Variants in CACNA2D3 observed in about 807,000 individuals in gnomAD.
The protein encoded by CACNA2D3 is voltage-dependent calcium channel subunit alpha-2/delta-3.
A neutral mutation model predicts 160.6 loss-of-function variants in CACNA2D3; 60 were observed. That is an observed-to-expected ratio of 0.37 (90% CI 0.30 to 0.46). The LOEUF (loss-of-function observed/expected upper bound fraction) is 0.46. Among genes scored for constraint, CACNA2D3 ranks in the 20% least tolerant of loss-of-function variants. The pLI, the probability that CACNA2D3 is intolerant of heterozygous loss-of-function variation, is 1.00. For synonymous variants in CACNA2D3, 558 were observed against 492.9 expected (o/e 1.13, Z -1.75); for missense variants, 1,205 against 1,365.0 (o/e 0.88, Z 1.85).
chr3:54,434,390 G>C (rs938851306), intron 4 of CACNA2D3, among the ~76,000 whole-genome samples: 8 of 152,320 alleles, frequency 5.3e-5, no homozygotes, highest in African/African-American at 1.9e-4. Flanking sequence ...GACTAAATGG[G>C]ATGTTGTAAA....
intron 29 of CACNA2D3, among the ~76,000 whole-genome samples, chr3:54,973,356 T>C (rs963867317): frequency 2.0e-5 from 3 of 152,168 alleles, no homozygotes; most frequent in Non-Finnish European, 2.9e-5. Flanking sequence ...ACTTCTCATC[T>C]CCTGATGAGA....
At chr3:54,988,302 A>G (rs181465869) in intron 31 of CACNA2D3, among the ~76,000 whole-genome samples, 19 of 152,296 alleles carry the variant, frequency 1.2e-4, no homozygotes, top group Admixed American at 1.2e-3. Flanking sequence ...GATACTGACT[A>G]CTCATCCAGG....
chr3:54,330,371 A>G (rs1458178285), intron 3 of CACNA2D3, among the ~76,000 whole-genome samples: 1 of 152,010 alleles, frequency 6.6e-6, no homozygotes, highest in Non-Finnish European at 1.5e-5. Flanking sequence ...GAACTTCTCT[A>G]GTACCTCTGC....
chr3:54,939,961 A>G (rs910079412), intron 27 of CACNA2D3, among the ~76,000 whole-genome samples: 3 of 152,226 alleles, frequency 2.0e-5, no homozygotes, highest in African/African-American at 7.2e-5. Flanking sequence ...ATGGATTTCT[A>G]GGTCATAATG....
chr3:54,667,998 A>C (rs1559544109), intron 11 of CACNA2D3, among the ~76,000 whole-genome samples: 1 of 152,130 alleles, frequency 6.6e-6, no homozygotes, highest in African/African-American at 2.4e-5. Flanking sequence ...ATTTTATATC[A>C]ACATGAAATG....
chr3:54,493,780 C>A (rs1701154159), intron 4 of CACNA2D3, among the ~76,000 whole-genome samples: 1 of 152,188 alleles, frequency 6.6e-6, no homozygotes, highest in Admixed American at 6.5e-5. Flanking sequence ...TTTTTTGCAA[C>A]TTTGTAATTT....
At chr3:54,664,372 C>T (rs1199288260) in intron 11 of CACNA2D3, among the ~76,000 whole-genome samples, 1 of 152,194 alleles carries the variant, frequency 6.6e-6, no homozygotes, top group Non-Finnish European at 1.5e-5. Context: ...AAAGCCATAT[C>T]TACATGTTCC....
intron 5 of CACNA2D3, among the ~76,000 whole-genome samples, chr3:54,511,047 G>T (rs554237549): frequency 1.8e-4 from 28 of 152,150 alleles, no homozygotes; most frequent in African/African-American, 6.5e-4. Context: ...CCCTCTTCCT[G>T]GTCATGCTAG....
intron 11 of CACNA2D3, among the ~76,000 whole-genome samples, chr3:54,682,042 C>T (rs1330495523): frequency 6.6e-6 from 1 of 151,836 alleles, no homozygotes; most frequent in Non-Finnish European, 1.5e-5. Context: ...AGTGACCTGC[C>T]CAAAAACAAA....
chr3:54,725,600 T>G (rs1358889768), intron 11 of CACNA2D3, among the ~76,000 whole-genome samples: 2 of 152,194 alleles, frequency 1.3e-5, no homozygotes, highest in African/African-American at 2.4e-5. Flanking sequence ...GATGCAAGGT[T>G]GGTTCAACAT....
At chr3:54,173,761 G>C (rs538350570) in intron 2 of CACNA2D3, among the ~76,000 whole-genome samples, 2 of 152,334 alleles carry the variant, frequency 1.3e-5, no homozygotes, top group Admixed American at 6.5e-5. Flanking sequence ...AGCTGAGGAA[G>C]CTCAGGCTTT....
At chr3:54,960,076 CAAA>C (rs10716957) in intron 27 of CACNA2D3, among the ~76,000 whole-genome samples, 1 of 82,022 alleles carries the variant, frequency 1.2e-5, no homozygotes, top group African/African-American at 3.1e-5. Context: ...TCTGACAGGA[CAAA>C]AAAAAAAAAA....
At chr3:54,755,031 C>T (rs1036639764) in intron 12 of CACNA2D3, among the ~76,000 whole-genome samples, 1 of 152,150 alleles carries the variant, frequency 6.6e-6, no homozygotes, top group African/African-American at 2.4e-5. Context: ...GTAGATAGAC[C>T]TTCCGTACTA....
chr3:54,773,149 C>T (rs1195362915), intron 13 of CACNA2D3, among the ~76,000 whole-genome samples: 2 of 152,220 alleles, frequency 1.3e-5, no homozygotes, highest in South Asian at 2.1e-4. Context: ...TCTCAGCCCC[C>T]ACTAAGTCCA....
intron 11 of CACNA2D3, among the ~76,000 whole-genome samples, chr3:54,697,140 T>C (rs1700680416): frequency 6.6e-6 from 1 of 152,076 alleles, no homozygotes; most frequent in African/African-American, 2.4e-5. Flanking sequence ...TAGCCAGGCA[T>C]GGTGGTGCAT....
intron 2 of CACNA2D3, among the ~76,000 whole-genome samples, chr3:54,185,007 G>A (rs1317608846): frequency 1.3e-5 from 2 of 152,182 alleles, no homozygotes; most frequent in African/African-American, 2.4e-5. Flanking sequence ...TGAGCCAAAG[G>A]TCCTGTGCCT....
chr3:55,045,599 T>C (rs1704059519), intron 35 of CACNA2D3, among the ~76,000 whole-genome samples: 1 of 152,228 alleles, frequency 6.6e-6, no homozygotes, highest in Non-Finnish European at 1.5e-5. Context: ...AGTTAGCTAT[T>C]ATTTCTTGAG....
At chr3:55,068,646 C>T (rs541529292) in intron 35 of CACNA2D3, among the ~76,000 whole-genome samples, 2 of 152,318 alleles carry the variant, frequency 1.3e-5, no homozygotes, top group South Asian at 4.1e-4. Context: ...TCCCACTCAA[C>T]GTCTTGGGTC....
At chr3:54,600,837 C>T (rs1035398962) in intron 9 of CACNA2D3, among the ~76,000 whole-genome samples, 2 of 151,420 alleles carry the variant, frequency 1.3e-5, no homozygotes, top group African/African-American at 4.9e-5. Flanking sequence ...CAGTGCAGCC[C>T]GGACCTAGCT....
Sources: allele counts gnomAD v4.1 joint callset (sites outside exome capture counted in the v4.1 genomes callset), GRCh38; gene constraint gnomAD v4.1.1; transcripts MANE v1.5; gene names NCBI Gene and HGNC (gene_info 2026-07-23, HGNC 2026-07-21).